Variants in EPS8 observed in about 807,000 individuals in gnomAD.
EPS8 encodes epidermal growth factor receptor kinase substrate 8.
EPS8 carries 42 observed loss-of-function variants against 103.8 expected under a neutral mutation model. The observed-to-expected ratio is 0.40, with a 90% CI of 0.32 to 0.52. The LOEUF is 0.52. EPS8 is among the 20% of genes least tolerant of loss of function. The pLI is 0.40. For missense variants in EPS8, 969 were observed against 1,005.1 expected (o/e 0.96, Z 0.49); for synonymous variants, 344 against 344.6 (o/e 1.00, Z 0.02).
At chr12:15,770,428 C>A (rs1297624126) in intron 1 of EPS8, among the ~76,000 whole-genome samples, 1 of 151,752 alleles carries the variant, frequency 6.6e-6, no homozygotes, top group Admixed American at 6.6e-5. Context: ...TTTTGTAGGC[C>A]CTTTTGGGTT....
chr12:15,671,006 ACTAGT>A, intron 3 of EPS8, 83 bp from the exon 4 acceptor site: 3 of 951,744 alleles, frequency 3.2e-6, no homozygotes, highest in Non-Finnish European at 5.1e-6. Context: ...TATCTCTAAA[ACTAGT>A]CTATCTCACA....
intron 18 of EPS8, among the ~76,000 whole-genome samples, chr12:15,630,712 T>TATG (rs147672459): frequency 1.3e-5 from 2 of 151,828 alleles, no homozygotes; most frequent in African/African-American, 4.8e-5. Context: ...GTAGGAAGGT[T>TATG]ATGATGATGA....
Position 15,620,378 on chromosome 12 carries a change from C to G in EPS8, c.*939G>C, listed in dbSNP as rs968753618. The G allele has an allele frequency of 2.0e-5, 3 of 152,548 alleles. No homozygotes were observed. Among genetic ancestry groups the G allele is most frequent in the South Asian group, 2.1e-4 (1 of 4,830 alleles). The allele number at this position is 152,548 out of a possible 1,614,324, so 9.4% of individuals were successfully genotyped here. A position where few individuals can be genotyped will look rare whatever the true frequency, so the allele number is the denominator to read the frequency against. Reference sequence around the variant, plus strand: ...ATAACATTTGTTGAAGGTTAGGTATCTTTCTTTTCTCTATGTGGAATCTTT... The same window carrying G: ...ATAACATTTGTTGAAGGTTAGGTATGTTTCTTTTCTCTATGTGGAATCTTT... On this transcript the variant is annotated 3_prime_UTR_variant, in exon 21 of 21. Transcript: ENST00000281172.
chr12:15,776,946 G>T lies in EPS8; in HGVS notation c.-22+12215C>A, dbSNP rs1324418347. ...GAAAACCATAAACATAACACAAAAT[G>T]TATTTGCTAGCCATTGGATTAAATT... On this transcript the variant is annotated intron_variant, in intron 1 of 20. Coordinates refer to ENST00000281172, the MANE Select transcript of EPS8 (RefSeq NM_004447.6). The surrounding 1 kb of genome is among the most constrained non-coding windows in gnomAD (Gnocchi z 4.2). 2.6e-5 allele frequency among the ~76,000 whole-genome samples: 4 copies of T among 152,114 alleles called. No homozygotes were observed. The highest frequency in any genetic ancestry group is 5.9e-5 in the Non-Finnish European group (4 of 68,016).
chr12:15,775,775 A>C (rs1447394181), intron 1 of EPS8, among the ~76,000 whole-genome samples: 8 of 152,200 alleles, frequency 5.3e-5, no homozygotes, highest in Admixed American at 1.3e-4. Context: ...CTCATTATTT[A>C]GTACTAGCAC....
At chr12:15,651,870 G>A (rs1439904347) in intron 13 of EPS8, among the ~76,000 whole-genome samples, 1 of 151,968 alleles carries the variant, frequency 6.6e-6, no homozygotes, top group African/African-American at 2.4e-5. Context: ...TTAACAATCA[G>A]GATCTAAAAT....
At position 15,776,859 on chromosome 12, in the gene EPS8, T is replaced by C. The variant is rs79557056; in HGVS notation, c.-22+12302A>G. 8.4e-3 allele frequency among the ~76,000 whole-genome samples: 1,273 copies of C among 152,334 alleles called. 18 individuals are homozygous for C. Among genetic ancestry groups the C allele is most frequent in the African/African-American group, 0.028 (1,179 of 41,574 alleles). ...CATTTTATCACTTTATCTATTAGTT[T>C]GGAATCTTATTGAAAATTTCATATT... On this transcript the variant is annotated intron_variant, in intron 1 of 20. Transcript: ENST00000281172. The surrounding 1 kb of genome is among the most constrained non-coding windows in gnomAD (Gnocchi z 4.2).
intron 12 of EPS8, among the ~76,000 whole-genome samples, chr12:15,655,895 T>A (rs546139420): frequency 2.4e-4 from 37 of 152,238 alleles, no homozygotes; most frequent in African/African-American, 8.7e-4. Context: ...CCTCCCCATC[T>A]CCCTCGTCCA....
Position 15,731,641 on chromosome 12 carries a change from G to A in EPS8, c.-21-48669C>T, listed in dbSNP as rs1314181855. Among the ~76,000 whole-genome samples the A allele has an allele frequency of 6.6e-6, 1 of 152,098 alleles. No homozygotes were observed. On this transcript the variant is annotated intron_variant, in intron 1 of 20. Transcript: ENST00000281172. This position sits in a 1 kb window ranked among gnomAD's most constrained non-coding sequence, Gnocchi z 5.1. The stretch of plus-strand genomic sequence containing the variant: ...GCTTTTTCACATCATGTGACTTCAT[G>A]CTAAAGATTCTAAGAGCTAAAGTAT...
intron 18 of EPS8, among the ~76,000 whole-genome samples, chr12:15,624,875 G>A (rs1331368121): frequency 6.6e-6 from 1 of 152,088 alleles, no homozygotes; most frequent in Non-Finnish European, 1.5e-5. Context: ...ACAATTGAGG[G>A]AGAAAAAGGG....
rs1463805353 is a variant in EPS8, at chr12:15,721,078, T to G, written c.-21-38106A>C. Reference sequence around the variant, plus strand: ...ACTTCTTGAGGGCAAGGGCCAGCCTTTGTTTACCACTGTATCCCCAGCACT... The same window carrying G: ...ACTTCTTGAGGGCAAGGGCCAGCCTGTGTTTACCACTGTATCCCCAGCACT... On this transcript the variant is annotated intron_variant, in intron 1 of 20. Transcript: ENST00000281172. This position sits in a 1 kb window ranked among gnomAD's most constrained non-coding sequence, Gnocchi z 4.4. Among the ~76,000 whole-genome samples the G allele has an allele frequency of 2.6e-5, 4 of 152,238 alleles. No individual in the cohort carries two copies. The highest frequency in any genetic ancestry group is 1.5e-5 in the Non-Finnish European group (1 of 68,044).
chr12:15,782,363 T>C (rs918018601), intron 1 of EPS8, among the ~76,000 whole-genome samples: 2 of 152,084 alleles, frequency 1.3e-5, no homozygotes, highest in South Asian at 4.1e-4. Context: ...TAGCCAGGCC[T>C]GGTGATACAT....
rs1362706560 is a variant in EPS8, at chr12:15,725,740, GA to G, written c.-21-42769del. Among the ~76,000 whole-genome samples the G allele has an allele frequency of 1.3e-5, 2 of 152,080 alleles. No individual in the cohort carries two copies. The highest frequency in any genetic ancestry group is 1.3e-4 in the Admixed American group (2 of 15,268). ...TAACAGAGAAATGAACAAAAAGATG[GA>G]AAAATATGAATTTTAAAAATTTACA... On this transcript the variant is annotated intron_variant, in intron 1 of 20. Transcript: ENST00000281172. The surrounding 1 kb of genome is among the most constrained non-coding windows in gnomAD (Gnocchi z 4.5).
At chr12:15,627,446 T>C (rs951620248) in intron 18 of EPS8, among the ~76,000 whole-genome samples, 5 of 152,374 alleles carry the variant, frequency 3.3e-5, no homozygotes, top group Admixed American at 1.3e-4. Context: ...AATAAATGAA[T>C]GAATGAGGCA....
At position 15,725,179 on chromosome 12, in the gene EPS8, T is replaced by G. The variant is rs969492841; in HGVS notation, c.-21-42207A>C. Among the ~76,000 whole-genome samples, 1 of 152,106 alleles carries G rather than the reference T, an allele frequency of 6.6e-6. No homozygotes were observed. Among genetic ancestry groups the G allele is most frequent in the Admixed American group, 6.6e-5 (1 of 15,258 alleles). ...CAATAAATCAGGATAAGCCAGCAAA[T>G]CTGATACTTACCTGCTAGATAACTG... On this transcript the variant is annotated intron_variant, in intron 1 of 20. Coordinates refer to ENST00000281172, the MANE Select transcript of EPS8 (RefSeq NM_004447.6). This position sits in a 1 kb window ranked among gnomAD's most constrained non-coding sequence, Gnocchi z 4.5.
Position 15,785,022 on chromosome 12 carries a change from A to G in EPS8, c.-22+4139T>C, listed in dbSNP as rs1408847113. Among the ~76,000 whole-genome samples the G allele has an allele frequency of 1.3e-5, 2 of 152,112 alleles. No homozygotes were observed. The highest frequency in any genetic ancestry group is 2.9e-5 in the Non-Finnish European group (2 of 67,948). ...TGTTGAAATTATTCGGTATGATACT[A>G]TGATCCTATAAGGATAGCTACATCA... On this transcript the variant is annotated intron_variant, in intron 1 of 20. Transcript: ENST00000281172. This position sits in a 1 kb window ranked among gnomAD's most constrained non-coding sequence, Gnocchi z 4.9.
intron 1 of EPS8, among the ~76,000 whole-genome samples, chr12:15,689,145 T>C (rs1454706720): frequency 1.3e-5 from 2 of 152,178 alleles, no homozygotes; most frequent in African/African-American, 4.8e-5. Flanking sequence ...CTTTTTTTTT[T>C]TCAGTAAGTT....
chr12:15,742,240 G>A (rs1344132800), intron 1 of EPS8, among the ~76,000 whole-genome samples: 1 of 152,172 alleles, frequency 6.6e-6, no homozygotes, highest in Admixed American at 6.5e-5. Context: ...GTAATGGGAT[G>A]GCTGGGTCAA....
rs966879547 is a variant in EPS8, at chr12:15,733,623, A to G, written c.-21-50651T>C. On this transcript the variant is annotated intron_variant, in intron 1 of 20. Transcript: ENST00000281172. This position sits in a 1 kb window ranked among gnomAD's most constrained non-coding sequence, Gnocchi z 4.8. Reference sequence around the variant, plus strand: ...TAAGAGGACCACATGTTCTTGGTGGATGGAAGAAGAATAACAACAACAGAA... The same window carrying G: ...TAAGAGGACCACATGTTCTTGGTGGGTGGAAGAAGAATAACAACAACAGAA... 2.0e-5 allele frequency among the ~76,000 whole-genome samples: 3 copies of G among 152,188 alleles called. No individual in the cohort carries two copies. The highest frequency in any genetic ancestry group is 7.2e-5 in the African/African-American group (3 of 41,452).
Sources: allele counts gnomAD v4.1 joint callset (sites outside exome capture counted in the v4.1 genomes callset), GRCh38; gene constraint gnomAD v4.1.1; non-coding constraint Gnocchi (gnomAD v3.1); transcripts MANE v1.5; gene names NCBI Gene and HGNC (gene_info 2026-07-23, HGNC 2026-07-21).